TENM2: variants seen among roughly 807,000 people sequenced by gnomAD.
TENM2 encodes the protein teneurin transmembrane protein 2.
Under a neutral mutation model 245.2 loss-of-function variants are expected in TENM2, and 52 were observed. The observed-to-expected ratio is 0.21, with a 90% CI of 0.17 to 0.27. The LOEUF is 0.27. Among genes scored for constraint, TENM2 ranks in the 10% least tolerant of loss-of-function variants. The pLI is 1.00. For missense variants in TENM2, 3,046 were observed against 3,666.8 expected (o/e 0.83, Z 4.37); for synonymous variants, 1,363 against 1,438.9 (o/e 0.95, Z 1.19).
At chr5:167,350,762 GGATATATATATATGGGATA>G (rs1270215044) in intron 1 of TENM2, among the ~76,000 whole-genome samples, 4 of 126,806 alleles carry the variant, frequency 3.2e-5, no homozygotes, top group Non-Finnish European at 5.0e-5. Context: ...ATATACATAT[GGATATATATATATGGGATA>G]TATACATATG....
the TENM2 span, among the ~76,000 whole-genome samples, chr5:167,103,778 G>C: frequency 6.6e-6 from 1 of 151,806 alleles, no homozygotes; most frequent in Non-Finnish European, 1.5e-5. Flanking sequence ...GTCCCCTGAG[G>C]GCCCTATCAA....
At chr5:167,271,646 A>G in the TENM2 span, among the ~76,000 whole-genome samples, 2 of 152,100 alleles carry the variant, frequency 1.3e-5, no homozygotes, top group African/African-American at 4.8e-5. Context: ...AATGTTTTTC[A>G]TTTCACAATT....
chr5:167,870,356 G>A (rs769305098), intron 2 of TENM2, among the ~76,000 whole-genome samples: 14 of 151,884 alleles, frequency 9.2e-5, no homozygotes, highest in Non-Finnish European at 1.8e-4. Context: ...GTCTAATGTG[G>A]AACATAGTAA....
chr5:167,640,875 ATATATATATATATATATATATATATATAT>A (rs1779539883), intron 2 of TENM2, among the ~76,000 whole-genome samples: 1 of 53,832 alleles, frequency 1.9e-5, no homozygotes, highest in African/African-American at 1.8e-4. Context: ...ATATATATAT[ATATATATATATATATATATATATATATAT>A]ATCTTTCTCT....
At chr5:168,122,015 C>T (rs1354589897) in intron 10 of TENM2, among the ~76,000 whole-genome samples, 2 of 152,150 alleles carry the variant, frequency 1.3e-5, no homozygotes, top group African/African-American at 4.8e-5. Flanking sequence ...TGCTTCCTAT[C>T]GGTCCTTTCT....
intron 7 of TENM2, among the ~76,000 whole-genome samples, chr5:168,067,831 C>A (rs557693397): frequency 7.9e-5 from 12 of 152,266 alleles, no homozygotes; most frequent in African/African-American, 2.9e-4. Context: ...GGAGGCAATG[C>A]CAGGGTTTGG....
intron 2 of TENM2, among the ~76,000 whole-genome samples, chr5:167,386,466 G>C (rs2127350681): frequency 6.6e-6 from 1 of 152,276 alleles, no homozygotes; most frequent in Admixed American, 6.5e-5. Flanking sequence ...TCTGTGGGTT[G>C]TCTGTTTACT....
chr5:168,247,899 G>C lies in TENM2; in HGVS notation c.6960G>C (p.Gln2320His). ...AGACCAACCTGGGCCACCACCTGCA[G>C]TACTTCTACTCTGACCTCCACAACC... Residue 2320 changes from glutamine (Q) to histidine (H), a missense_variant, in exon 27 of 29, where the codon CAG becomes CAC. This residue lies in a region of TENM2 where 2,704 missense variants were observed against 3,331.9 expected (regional missense o/e 0.81). Transcript: ENST00000518659. The surrounding 1 kb of genome is among the most constrained non-coding windows in gnomAD (Gnocchi z 7.8). 6.2e-7 allele frequency: 1 copy of C among 1,613,986 alleles called. No homozygotes were observed. The highest frequency in any genetic ancestry group is 8.5e-7 in the Non-Finnish European group (1 of 1,179,888).
chr5:168,256,648 C>G (rs1302283605), intron 27 of TENM2, among the ~76,000 whole-genome samples: 1 of 152,130 alleles, frequency 6.6e-6, no homozygotes, highest in Admixed American at 6.5e-5. Context: ...TGGTCTTGAA[C>G]TCCTGACCGC....
the TENM2 span, among the ~76,000 whole-genome samples, chr5:167,016,281 CAAAA>C: frequency 5.6e-3 from 441 of 78,862 alleles, 3 homozygotes; most frequent in African/African-American, 0.017. Flanking sequence ...AACAAACAAA[CAAAA>C]AAAAAAAAAA....
chr5:168,057,306 G>A (rs576786119), intron 6 of TENM2, among the ~76,000 whole-genome samples: 24 of 129,216 alleles, frequency 1.9e-4, no homozygotes, highest in East Asian at 7.0e-4. Flanking sequence ...CTGTCGCCTC[G>A]CCCAACACAC....
chr5:167,168,976 G>T, the TENM2 span, among the ~76,000 whole-genome samples: 3 of 152,122 alleles, frequency 2.0e-5, no homozygotes, highest in African/African-American at 4.8e-5. Context: ...AGCCAGGATG[G>T]TCTCGATCTC....
chr5:167,763,709 C>A (rs566852492), intron 2 of TENM2, among the ~76,000 whole-genome samples: 1 of 152,250 alleles, frequency 6.6e-6, no homozygotes, highest in South Asian at 2.1e-4. Flanking sequence ...TCTAACTTTT[C>A]ATGAATTTGT....
intron 8 of TENM2, among the ~76,000 whole-genome samples, chr5:168,093,545 C>T (rs1793122259): frequency 6.6e-6 from 1 of 152,182 alleles, no homozygotes; most frequent in African/African-American, 2.4e-5. Context: ...AAATGTTAGA[C>T]AGGTGCCTAC....
chr5:166,983,050 T>A, the TENM2 span, among the ~76,000 whole-genome samples: 20 of 152,076 alleles, frequency 1.3e-4, no homozygotes, highest in African/African-American at 4.8e-4. Flanking sequence ...CAACAGACTT[T>A]TTAAAAATTA....
intron 2 of TENM2, among the ~76,000 whole-genome samples, chr5:167,572,017 C>G (rs1774297844): frequency 6.6e-6 from 1 of 152,226 alleles, no homozygotes; most frequent in Non-Finnish European, 1.5e-5. Context: ...ACTCTCTGTT[C>G]TCTGGCCAGC....
intron 2 of TENM2, among the ~76,000 whole-genome samples, chr5:167,718,827 A>G (rs1404388893): frequency 4.0e-5 from 6 of 151,706 alleles, no homozygotes; most frequent in Admixed American, 1.3e-4. Context: ...CTGACATATC[A>G]TTTAACCTCT....
the TENM2 span, among the ~76,000 whole-genome samples, chr5:167,087,768 T>C: frequency 6.6e-6 from 1 of 151,946 alleles, no homozygotes; most frequent in Admixed American, 6.6e-5. Context: ...GGGAGAGTGT[T>C]TTTTATAGGT....
At chr5:167,755,767 T>A (rs1401019947) in intron 2 of TENM2, among the ~76,000 whole-genome samples, 1 of 152,170 alleles carries the variant, frequency 6.6e-6, no homozygotes, top group East Asian at 1.9e-4. Flanking sequence ...GGATTAGTCT[T>A]GCTGCTTGTA....
Sources: allele counts gnomAD v4.1 joint callset (sites outside exome capture counted in the v4.1 genomes callset), GRCh38; gene constraint gnomAD v4.1.1; regional missense constraint gnomAD v4.1.1; non-coding constraint Gnocchi (gnomAD v3.1); transcripts MANE v1.5; gene names NCBI Gene and HGNC (gene_info 2026-07-23, HGNC 2026-07-21).